PTPRN2: variants seen among roughly 807,000 people sequenced by gnomAD.
PTPRN2 encodes the protein receptor-type tyrosine-protein phosphatase N2.
A neutral mutation model predicts 118.8 loss-of-function variants in PTPRN2; 74 were observed. The observed-to-expected ratio is 0.62, with a 90% CI of 0.52 to 0.76. The LOEUF (loss-of-function observed/expected upper bound fraction) is 0.76, where lower values mean the gene tolerates loss of function less well. Among genes scored for constraint, PTPRN2 ranks in the 30% least tolerant of loss-of-function variants. PTPRN2 has a pLI of 0.00. For synonymous variants in PTPRN2, 641 were observed against 608.0 expected, an observed-to-expected ratio of 1.05 and a Z score of -0.80; for missense variants, 1,481 against 1,394.4, an observed-to-expected ratio of 1.06 and a Z score of -0.99.
chr7:158,488,794 G>A (rs796859558), intron 2 of PTPRN2, among the ~76,000 whole-genome samples: 1 of 152,288 alleles, frequency 6.6e-6, no homozygotes, highest in African/African-American at 2.4e-5. Context: ...GGACAGATGC[G>A]CAGGGAGCTG....
intron 1 of PTPRN2, among the ~76,000 whole-genome samples, chr7:158,586,640 C>T (rs1464012186): frequency 6.6e-6 from 1 of 152,170 alleles, no homozygotes; most frequent in African/African-American, 2.4e-5. Context: ...ACAGGGGCGT[C>T]CGCCTGGGAA....
chr7:157,890,316 G>T (rs1221664785), intron 12 of PTPRN2, among the ~76,000 whole-genome samples: 1 of 152,150 alleles, frequency 6.6e-6, no homozygotes, highest in Non-Finnish European at 1.5e-5. Flanking sequence ...CAAAACTGTT[G>T]TTCTCAAGCA....
chr7:158,211,186 G>A (rs1439711697), intron 3 of PTPRN2, among the ~76,000 whole-genome samples: 1 of 152,064 alleles, frequency 6.6e-6, no homozygotes, highest in East Asian at 1.9e-4. Context: ...ATGGATTAAA[G>A]ACATAAATCT....
chr7:157,553,647 G>A (rs928004843), intron 21 of PTPRN2, among the ~76,000 whole-genome samples: 1 of 152,196 alleles, frequency 6.6e-6, no homozygotes, highest in African/African-American at 2.4e-5. Context: ...AAAATGACAC[G>A]GGAGCGTGCC....
chr7:158,256,344 G>A (rs1797018690), intron 3 of PTPRN2, among the ~76,000 whole-genome samples: 1 of 152,216 alleles, frequency 6.6e-6, no homozygotes, highest in Non-Finnish European at 1.5e-5. Context: ...AGGGGGACAA[G>A]AGGGCACCGA....
intron 3 of PTPRN2, among the ~76,000 whole-genome samples, chr7:158,208,868 AAAC>A (rs796996564): frequency 1.3e-5 from 2 of 152,198 alleles, no homozygotes; most frequent in East Asian, 1.9e-4. Flanking sequence ...ATATAAATAG[AAAC>A]AACAAAAAGT....
intron 2 of PTPRN2, among the ~76,000 whole-genome samples, chr7:158,326,484 CACAG>C (rs765289155): frequency 3.3e-4 from 50 of 152,352 alleles, no homozygotes; most frequent in Non-Finnish European, 4.6e-4. Context: ...CAACCACATA[CACAG>C]ACATTCACAG....
Position 157,947,855 on chromosome 7 carries a change from C to A in PTPRN2, c.1724-49118G>T, listed in dbSNP as rs1413590419. 5.3e-5 allele frequency among the ~76,000 whole-genome samples: 8 copies of A among 152,316 alleles called. No individual in the cohort carries two copies. The East Asian group carries it at 1.3e-3, about 26-fold the overall frequency. The stretch of plus-strand genomic sequence containing the variant: ...TTGAGATCGTCAATAAGATCAACAG[C>A]AGTTTTTCACCAGAAACCATGGAGG... On this transcript the variant is annotated intron_variant, in intron 11 of 22. Transcript: ENST00000389418.
intron 11 of PTPRN2, among the ~76,000 whole-genome samples, chr7:157,911,866 T>C (rs995659753): frequency 6.6e-6 from 1 of 152,230 alleles, no homozygotes; most frequent in Non-Finnish European, 1.5e-5. Flanking sequence ...CGTCTTCTGC[T>C]AACCCTGTGT....
In PTPRN2 at chr7:157,677,427, C is replaced by T. The variant is rs566873603; in HGVS notation, c.2001+5298G>A. On this transcript the variant is annotated intron_variant, in intron 13 of 22. Coordinates refer to ENST00000389418, the MANE Select transcript of PTPRN2 (RefSeq NM_002847.5). The stretch of plus-strand genomic sequence containing the variant: ...TTTAGAGGTTTCTCTGGCCACCTTT[C>T]GAGACTTCATTGTTCTCTGAAGATC... Among the ~76,000 whole-genome samples, 253 of 152,270 alleles carry T rather than the reference C, an allele frequency of 1.7e-3. 1 individual carries two copies. Among genetic ancestry groups the T allele is most frequent in the African/African-American group, 5.9e-3 (245 of 41,536 alleles).
chr7:157,941,613 C>G (rs1042045436), intron 11 of PTPRN2, among the ~76,000 whole-genome samples: 1 of 152,218 alleles, frequency 6.6e-6, no homozygotes, highest in Non-Finnish European at 1.5e-5. Context: ...CAGAGAGGGG[C>G]TCCTGGCCAT....
chr7:158,378,851 C>A (rs998739152), intron 2 of PTPRN2, among the ~76,000 whole-genome samples: 2 of 152,208 alleles, frequency 1.3e-5, no homozygotes, highest in Non-Finnish European at 2.9e-5. Flanking sequence ...ATATAAAATA[C>A]TTGACAAAAT....
At position 158,388,270 on chromosome 7, in the gene PTPRN2, C is replaced by T. The variant is rs150216357; in HGVS notation, c.164-71338G>A. On this transcript the variant is annotated intron_variant, in intron 2 of 22. Coordinates refer to ENST00000389418, the MANE Select transcript of PTPRN2 (RefSeq NM_002847.5). ...GGGAAGCCACGGTTCACGTCAATCCCGGCACCAAGGTCCCAGAATTCACAG... is the reference window on the plus strand; with the variant it reads ...GGGAAGCCACGGTTCACGTCAATCCTGGCACCAAGGTCCCAGAATTCACAG... Among the ~76,000 whole-genome samples, 110 of 152,242 alleles carry T rather than the reference C, an allele frequency of 7.2e-4. 4 individuals are homozygous for T. The East Asian group carries it at 0.013, about 18-fold the overall frequency.
intron 11 of PTPRN2, chr7:158,028,140 A>C (rs566726399): frequency 3.9e-5 from 6 of 152,256 alleles, no homozygotes; most frequent in Non-Finnish European, 7.3e-5. Context: ...TTTTCTCCCC[A>C]GTGTCACATC....
At chr7:158,415,062 GCTACTTCTCTGATGATACA>G in intron 2 of PTPRN2, among the ~76,000 whole-genome samples, 1 of 151,034 alleles carries the variant, frequency 6.6e-6, no homozygotes, top group Non-Finnish European at 1.5e-5. Flanking sequence ...GATACAACCA[GCTACTTCTCTGATGATACA>G]ACCAGCTACT....
chr7:157,939,994 C>T (rs139686478), intron 11 of PTPRN2, among the ~76,000 whole-genome samples: 6 of 152,240 alleles, frequency 3.9e-5, no homozygotes, highest in Admixed American at 6.5e-5. Flanking sequence ...AAGGTGTCGC[C>T]GCATGGGCAG....
rs536630199 is a variant in PTPRN2 at position 158,432,287 on chromosome 7, C to T, written c.163+57448G>A. ...GGGCCTTGAGCCAGGGCGAAAGCAC[C>T]GGGCGCTCCAGGATCCCAGGCTCCT... is the stretch of plus-strand genomic sequence containing the variant. On this transcript the variant is annotated intron_variant, in intron 2 of 22. Transcript: ENST00000389418. 3.3e-5 allele frequency among the ~76,000 whole-genome samples: 5 copies of T among 152,328 alleles called. No homozygotes were observed. In the East Asian group the frequency reaches 7.7e-4, roughly 24 times the overall value.
intron 12 of PTPRN2, among the ~76,000 whole-genome samples, chr7:157,745,452 T>TTGGGGGAGAGGAGAGGCTGC (rs1458433105): frequency 6.6e-6 from 1 of 151,158 alleles, no homozygotes; most frequent in Admixed American, 6.6e-5. Flanking sequence ...GGACAGGCTG[T>TTGGGGGAGAGGAGAGGCTGC]GGGAGGCAGG....
intron 11 of PTPRN2, among the ~76,000 whole-genome samples, chr7:157,952,101 G>A (rs950727346): frequency 2.6e-5 from 4 of 152,216 alleles, no homozygotes; most frequent in African/African-American, 9.7e-5. Context: ...CCTGCGGGGA[G>A]GCCAGGCTCA....
Sources: allele counts gnomAD v4.1 joint callset (sites outside exome capture counted in the v4.1 genomes callset), GRCh38; gene constraint gnomAD v4.1.1; transcripts MANE v1.5; gene names NCBI Gene and HGNC (gene_info 2026-07-23, HGNC 2026-07-21).